LRRD1: variants seen among roughly 807,000 people sequenced by gnomAD.
The protein encoded by LRRD1 is leucine-rich repeat and death domain-containing protein 1.
A neutral mutation model predicts 69.5 loss-of-function variants in LRRD1; 49 were observed. That is an observed-to-expected ratio of 0.70 (90% CI 0.56 to 0.89). The LOEUF is 0.89. Ranked by LOEUF, LRRD1 falls within the 40% of genes least tolerant of loss-of-function variation. The pLI is 0.00. For synonymous variants in LRRD1, 303 were observed against 338.9 expected, an observed-to-expected ratio of 0.89 and a Z score of 1.16; for missense variants, 853 against 956.0, an observed-to-expected ratio of 0.89 and a Z score of 1.42.
intron 4 of LRRD1, among the ~76,000 whole-genome samples, chr7:92,147,893 G>A (rs1458478115): frequency 6.6e-6 from 1 of 152,020 alleles, no homozygotes; most frequent in Admixed American, 6.6e-5. Context: ...CGCCATGCCT[G>A]GCTAATTTAT....
chr7:92,175,593 G>A (rs1314021131), intron 1 of LRRD1, among the ~76,000 whole-genome samples: 1 of 152,130 alleles, frequency 6.6e-6, no homozygotes. Flanking sequence ...AGGTTGCAGT[G>A]AGCAGAAATC....
rs879556362 is a variant in LRRD1 at position 92,176,847 on chromosome 7, G to A, written c.-75+2160C>T. Among the ~76,000 whole-genome samples, 5 of 151,930 alleles carry A rather than the reference G, an allele frequency of 3.3e-5. No homozygotes were observed. In the South Asian group the frequency reaches 1.0e-3, roughly 32 times the overall value. On this transcript the variant is annotated intron_variant, in intron 1 of 5. Coordinates refer to ENST00000458448, the MANE Select transcript of LRRD1 (RefSeq NM_001161528.2). Reference sequence around the variant, plus strand: ...CAAAGTGCTGAGATTACAGGTGTAAGCCACCATGCCTGGCCACATTAATAG... The same window carrying A: ...CAAAGTGCTGAGATTACAGGTGTAAACCACCATGCCTGGCCACATTAATAG...
At chr7:92,167,644 G>A (rs1469573550) in intron 1 of LRRD1, among the ~76,000 whole-genome samples, 1 of 151,532 alleles carries the variant, frequency 6.6e-6, no homozygotes, top group Non-Finnish European at 1.5e-5. Flanking sequence ...TTGGGAGGCC[G>A]AGGCAGGCTG....
intron 3 of LRRD1, among the ~76,000 whole-genome samples, chr7:92,152,140 A>AGTGTGTGTGTGT (rs71528038): frequency 0.27 from 38,534 of 142,576 alleles, 5,560 homozygotes; most frequent in Non-Finnish European, 0.32. Flanking sequence ...TGCTTCTGGG[A>AGTGTGTGTGTGT]GTGTGTGTGT....
intron 1 of LRRD1, among the ~76,000 whole-genome samples, chr7:92,172,808 A>G (rs941793264): frequency 1.3e-4 from 20 of 152,138 alleles, no homozygotes; most frequent in Non-Finnish European, 2.8e-4. Context: ...TCAAAATACC[A>G]ATGACATTCT....
At chr7:92,177,937 G>C (rs935262857) in intron 1 of LRRD1, among the ~76,000 whole-genome samples, 18 of 152,142 alleles carry the variant, frequency 1.2e-4, no homozygotes, top group African/African-American at 4.1e-4. Flanking sequence ...GCAGTGATTT[G>C]AAATAAAATA....
chr7:92,142,134 G>A (rs1820166285), downstream of LRRD1: 1 of 187,406 alleles, frequency 5.3e-6, no homozygotes, highest in Non-Finnish European at 1.1e-5. Flanking sequence ...AGTAGAGACA[G>A]GGTTTCACTG....
downstream of LRRD1, among the ~76,000 whole-genome samples, chr7:92,143,534 C>T (rs377687265): frequency 1.1e-4 from 17 of 152,206 alleles, no homozygotes; most frequent in East Asian, 1.2e-3. Flanking sequence ...AGCTAAGGCC[C>T]GGCGAGAAAT....
At chr7:92,143,623 G>A (rs1040013788), downstream of LRRD1, among the ~76,000 whole-genome samples, 2 of 152,132 alleles carry the variant, frequency 1.3e-5, no homozygotes, top group East Asian at 1.9e-4. Flanking sequence ...CTCCGAGTGC[G>A]GGGCCGCCGA....
intron 3 of LRRD1, among the ~76,000 whole-genome samples, chr7:92,154,117 C>T (rs1357976710): frequency 6.6e-6 from 1 of 152,180 alleles, no homozygotes; most frequent in Non-Finnish European, 1.5e-5. Context: ...GGATTACAGG[C>T]ATGAGCCACC....
At chr7:92,173,094 A>G (rs973199135) in intron 1 of LRRD1, among the ~76,000 whole-genome samples, 19 of 152,204 alleles carry the variant, frequency 1.2e-4, no homozygotes, top group African/African-American at 4.3e-4. Context: ...TACAATGGGG[A>G]AAAGACAGTC....
Position 92,150,648 on chromosome 7 carries a change from G to C in LRRD1, c.2164C>G (p.Leu722Val). The C allele has an allele frequency of 6.5e-7, 1 of 1,550,136 alleles. No homozygotes were observed. The highest frequency in any genetic ancestry group is 8.7e-7 in the Non-Finnish European group (1 of 1,145,700). ...TTGTCATCAAAATTTATCTCCTTCA[G>C]TGAAAAAATATTGTAGATAGCACTA... Reference protein sequence around the residue: ...LPSAIYNIFSLKEINFDDNPL... With the variant: ...LPSAIYNIFSVKEINFDDNPL... Residue 722 changes from leucine (L) to valine (V), a missense_variant, in exon 4 of 6, where the codon CTG (leucine) becomes GTG (valine). Around this residue, in one of 3 missense-constraint regions of LRRD1, gnomAD observed 739 missense variants for 808.0 expected, o/e 0.91. Coordinates refer to ENST00000458448, the MANE Select transcript of LRRD1 (RefSeq NM_001161528.2).
intron 5 of LRRD1, 147 bp from the exon 6 acceptor site, chr7:92,145,221 A>G (rs1820288297): frequency 2.6e-6 from 1 of 388,826 alleles, no homozygotes; most frequent in South Asian, 1.2e-4. Flanking sequence ...AACCAATTTT[A>G]TCAGACTGAA....
chr7:92,146,651 T>C (rs1055814813), intron 4 of LRRD1, among the ~76,000 whole-genome samples: 33 of 145,328 alleles, frequency 2.3e-4, no homozygotes, highest in African/African-American at 8.0e-4. Context: ...CCATGCGCGG[T>C]GGCTCATGCC....
intron 3 of LRRD1, among the ~76,000 whole-genome samples, chr7:92,152,123 G>T (rs1820482946): frequency 7.1e-6 from 1 of 140,578 alleles, no homozygotes; most frequent in Non-Finnish European, 1.6e-5. Flanking sequence ...CCAAGATCTG[G>T]ATACGATGCT....
chr7:92,145,413 G>C (rs907977982), intron 5 of LRRD1, among the ~76,000 whole-genome samples: 1 of 144,352 alleles, frequency 6.9e-6, no homozygotes, highest in Non-Finnish European at 1.5e-5. Context: ...TAATAAACCA[G>C]TATATTACTG....
At position 92,145,058 on chromosome 7, in the gene LRRD1, C is replaced by T; in HGVS notation, c.2413G>A (p.Glu805Lys). ...MPTKSTVSLSERAHQALVIWK... is the reference protein window; with the variant it reads ...MPTKSTVSLSKRAHQALVIWK... ...ATAACAAGTGCTTGGTGGGCTCTCT[C>T]ACTTAATGAAACAGTGCTGAAAAAC... Residue 805 changes from glutamate to lysine, a missense_variant, in exon 6 of 6, where the codon GAG (glutamate) becomes AAG (lysine). Glu to Lys is a moderately conservative substitution (Grantham distance 56). Around this residue, in one of 3 missense-constraint regions of LRRD1, gnomAD observed 739 missense variants for 808.0 expected, o/e 0.91. Coordinates refer to ENST00000458448, the MANE Select transcript of LRRD1 (RefSeq NM_001161528.2). The T allele has an allele frequency of 6.8e-7, 1 of 1,481,366 alleles. No individual in the cohort carries two copies. The highest frequency in any genetic ancestry group is 9.0e-7 in the Non-Finnish European group (1 of 1,107,388). The allele number at this position is 1,481,366 out of a possible 1,614,324, so 91.8% of individuals were successfully genotyped here. A position where few individuals can be genotyped will look rare whatever the true frequency, so the allele number is the denominator to read the frequency against.
chr7:92,170,294 G>A (rs1430547431), intron 1 of LRRD1, among the ~76,000 whole-genome samples: 2 of 152,164 alleles, frequency 1.3e-5, no homozygotes, highest in African/African-American at 4.8e-5. Context: ...ATCCAAGAGG[G>A]AGCTGATCTA....
intron 1 of LRRD1, among the ~76,000 whole-genome samples, chr7:92,177,714 C>T (rs1789228086): frequency 6.6e-6 from 1 of 152,162 alleles, no homozygotes; most frequent in Non-Finnish European, 1.5e-5. Flanking sequence ...ATGCCAAATT[C>T]CTGAGCAAAT....
Sources: allele counts gnomAD v4.1 joint callset (sites outside exome capture counted in the v4.1 genomes callset), GRCh38; gene constraint gnomAD v4.1.1; regional missense constraint gnomAD v4.1.1; transcripts MANE v1.5; gene names NCBI Gene and HGNC (gene_info 2026-07-23, HGNC 2026-07-21).